Variants in AGBL1 observed in about 807,000 individuals in gnomAD.
AGBL1 encodes AGBL carboxypeptidase 1.
Under a neutral mutation model 118.9 loss-of-function variants are expected in AGBL1, and 130 were observed. The ratio of observed to expected loss-of-function variants is 1.09; its 90% CI spans 0.95 to 1.26. The LOEUF is 1.26. Ranked by LOEUF, AGBL1 falls within the 50% of genes most tolerant of loss-of-function variation. AGBL1 has a pLI of 0.00. For missense variants in AGBL1, 1,584 were observed against 1,298.1 expected (o/e 1.22, Z -3.38); for synonymous variants, 555 against 478.9 (o/e 1.16, Z -2.08).
chr15:86,576,727 G>A (rs2084097269), intron 21 of AGBL1, among the ~76,000 whole-genome samples: 1 of 152,202 alleles, frequency 6.6e-6, no homozygotes, highest in South Asian at 2.1e-4. Flanking sequence ...CATAGGGACA[G>A]GTTTGTCCCA....
At chr15:86,305,351 G>A (rs543534418) in intron 17 of AGBL1, among the ~76,000 whole-genome samples, 2 of 152,274 alleles carry the variant, frequency 1.3e-5, no homozygotes, top group South Asian at 4.1e-4. Flanking sequence ...ATTCAAGATA[G>A]TGATTCCATC....
chr15:86,177,587 A>AT (rs1313604903), intron 5 of AGBL1, among the ~76,000 whole-genome samples: 1 of 152,240 alleles, frequency 6.6e-6, no homozygotes, highest in Non-Finnish European at 1.5e-5. Context: ...TTCAAATGAT[A>AT]TTGAGTATGT....
At chr15:86,469,610 G>C (rs1228454273) in intron 18 of AGBL1, among the ~76,000 whole-genome samples, 4 of 152,112 alleles carry the variant, frequency 2.6e-5, no homozygotes, top group Non-Finnish European at 5.9e-5. Context: ...AAGGGGGATT[G>C]CTGGATCATA....
chr15:86,534,500 A>G (rs2083396567), intron 19 of AGBL1, among the ~76,000 whole-genome samples: 1 of 152,186 alleles, frequency 6.6e-6, no homozygotes, highest in South Asian at 2.1e-4. Context: ...GCAAAGGAAA[A>G]GAAGCTTCTC....
intron 20 of AGBL1, 59 bp from the exon 21 acceptor site, chr15:86,554,302 T>G (rs953373680): frequency 1.5e-4 from 199 of 1,362,602 alleles, no homozygotes; most frequent in Non-Finnish European, 1.8e-4. Context: ...GCTATTTTTA[T>G]GATGACTATC....
intron 19 of AGBL1, among the ~76,000 whole-genome samples, chr15:86,533,062 A>G (rs1272632788): frequency 2.1e-5 from 2 of 93,666 alleles, no homozygotes; most frequent in Non-Finnish European, 4.0e-5. Context: ...CAAGGACTTC[A>G]TGTCCAAAAC....
intron 21 of AGBL1, among the ~76,000 whole-genome samples, chr15:86,572,256 G>A (rs1265365782): frequency 6.6e-6 from 1 of 152,158 alleles, no homozygotes; most frequent in Non-Finnish European, 1.5e-5. Flanking sequence ...CAGGGAGGCT[G>A]CAGCTGCACC....
At chr15:86,870,838 A>G (rs1179116585) in intron 22 of AGBL1, among the ~76,000 whole-genome samples, 1 of 152,194 alleles carries the variant, frequency 6.6e-6, no homozygotes, top group Non-Finnish European at 1.5e-5. Context: ...CAAAGATGAT[A>G]TTGGATCTGA....
chr15:86,632,052 C>G (rs2084979808), intron 21 of AGBL1, among the ~76,000 whole-genome samples: 1 of 149,376 alleles, frequency 6.7e-6, no homozygotes, highest in Non-Finnish European at 1.5e-5. Context: ...TTAAAGTTAA[C>G]CAGGAGTTTG....
At chr15:86,624,954 G>A (rs1180673629) in intron 21 of AGBL1, among the ~76,000 whole-genome samples, 1 of 152,144 alleles carries the variant, frequency 6.6e-6, no homozygotes, top group African/African-American at 2.4e-5. Flanking sequence ...CTGCTTACCA[G>A]GCTCTGTGTG....
intron 21 of AGBL1, among the ~76,000 whole-genome samples, chr15:86,618,288 A>T (rs2447272): frequency 0.93 from 141,751 of 152,252 alleles, 66,038 homozygotes; most frequent in East Asian, 1. Flanking sequence ...TGCTATGGCA[A>T]CTTATTTGCA....
At chr15:87,008,794 T>G (rs939895969) in intron 24 of AGBL1, among the ~76,000 whole-genome samples, 17 of 152,174 alleles carry the variant, frequency 1.1e-4, no homozygotes, top group African/African-American at 3.9e-4. Context: ...CTTGTTATGT[T>G]TTAGCTAAGA....
At chr15:86,623,606 T>C (rs765904622) in intron 21 of AGBL1, among the ~76,000 whole-genome samples, 2 of 152,226 alleles carry the variant, frequency 1.3e-5, no homozygotes, top group South Asian at 2.1e-4. Context: ...TTTTGTTATC[T>C]GATAGAAGCA....
At chr15:86,836,821 C>T (rs193053638) in intron 22 of AGBL1, among the ~76,000 whole-genome samples, 6 of 152,288 alleles carry the variant, frequency 3.9e-5, no homozygotes, top group Admixed American at 3.3e-4. Context: ...TCAGAGGGAC[C>T]TTCTGCAACT....
chr15:86,681,726 T>C (rs1436939727), intron 22 of AGBL1, among the ~76,000 whole-genome samples: 1 of 152,220 alleles, frequency 6.6e-6, no homozygotes, highest in African/African-American at 2.4e-5. Context: ...GAGGTCCTCT[T>C]GTTTTAATAG....
chr15:86,686,773 C>T (rs2086065450), intron 22 of AGBL1, among the ~76,000 whole-genome samples: 1 of 152,046 alleles, frequency 6.6e-6, no homozygotes, highest in African/African-American at 2.4e-5. Context: ...TATCATCTCT[C>T]ACAACAAATA....
chr15:86,933,699 A>G (rs1473745618), intron 23 of AGBL1, among the ~76,000 whole-genome samples: 2 of 152,110 alleles, frequency 1.3e-5, no homozygotes, highest in African/African-American at 4.8e-5. Flanking sequence ...CCTGTGTTTT[A>G]TTTCACTCTA....
At chr15:86,457,874 G>A (rs1031980020) in intron 18 of AGBL1, among the ~76,000 whole-genome samples, 2 of 152,102 alleles carry the variant, frequency 1.3e-5, no homozygotes, top group African/African-American at 4.8e-5. Flanking sequence ...GACCTCTCTG[G>A]GCCTGGGATT....
intron 22 of AGBL1, among the ~76,000 whole-genome samples, chr15:86,781,605 T>C (rs1236321870): frequency 2.0e-5 from 3 of 152,182 alleles, no homozygotes; most frequent in Non-Finnish European, 2.9e-5. Flanking sequence ...ACTCTCTACA[T>C]ACCTTTCTAG....
Sources: allele counts gnomAD v4.1 joint callset (sites outside exome capture counted in the v4.1 genomes callset), GRCh38; gene constraint gnomAD v4.1.1; transcripts MANE v1.5; gene names NCBI Gene and HGNC (gene_info 2026-07-23, HGNC 2026-07-21).